Variants in PXDNL observed in about 807,000 individuals in gnomAD.
PXDNL encodes the protein peroxidasin like, also known as probable oxidoreductase PXDNL.
In PXDNL, 145 loss-of-function variants were observed where a neutral mutation model predicts 150.8. That is an observed-to-expected ratio of 0.96 (90% CI 0.84 to 1.10). The LOEUF is 1.10. PXDNL is among the 50% of genes least tolerant of loss of function. The pLI is 0.00. For missense variants in PXDNL, 2,087 were observed against 1,873.9 expected (o/e 1.11, Z -2.10); for synonymous variants, 757 against 725.7 (o/e 1.04, Z -0.69).
At chr8:51,802,833 G>A (rs558192614) in intron 1 of PXDNL, among the ~76,000 whole-genome samples, 1 of 152,242 alleles carries the variant, frequency 6.6e-6, no homozygotes, top group South Asian at 2.1e-4. Flanking sequence ...GGCTAACAAA[G>A]AACACACCAG....
At chr8:51,671,844 C>T (rs1815504663) in intron 1 of PXDNL, among the ~76,000 whole-genome samples, 1 of 152,160 alleles carries the variant, frequency 6.6e-6, no homozygotes, top group Non-Finnish European at 1.5e-5. Flanking sequence ...TCACACTCAC[C>T]AGTATATAGT....
chr8:51,360,043 A>C (rs1164014536), intron 19 of PXDNL, among the ~76,000 whole-genome samples: 1 of 119,330 alleles, frequency 8.4e-6, no homozygotes, highest in East Asian at 2.1e-4. Context: ...AGAGAAAAGC[A>C]AAAAAAAAAA....
chr8:51,729,157 C>T (rs1026843613), intron 1 of PXDNL, among the ~76,000 whole-genome samples: 20 of 152,100 alleles, frequency 1.3e-4, no homozygotes, highest in Non-Finnish European at 2.9e-5. Context: ...TGTTAAGTAA[C>T]ACATAACTTA....
At chr8:51,638,203 C>G (rs999809760) in intron 2 of PXDNL, among the ~76,000 whole-genome samples, 1 of 152,144 alleles carries the variant, frequency 6.6e-6, no homozygotes, top group Non-Finnish European at 1.5e-5. Context: ...GAAGGAAGCA[C>G]TAAACATGGA....
intron 2 of PXDNL, among the ~76,000 whole-genome samples, chr8:51,612,153 G>GT (rs1425813786): frequency 6.6e-6 from 1 of 152,150 alleles, no homozygotes; most frequent in African/African-American, 2.4e-5. Flanking sequence ...GGAAGGTAGA[G>GT]GAAAGGAGGC....
At position 51,372,856 on chromosome 8, in the gene PXDNL, A is replaced by T. The variant is rs558510732; in HGVS notation, c.3693-775T>A. Among the ~76,000 whole-genome samples the T allele has an allele frequency of 1.6e-3, 246 of 152,382 alleles. 1 individual carries two copies. Among genetic ancestry groups the T allele is most frequent in the African/African-American group, 5.5e-3 (229 of 41,598 alleles). ...ATTCAATTTTAAATGAAAGGATACAATCAATTTTAAATGAAAGAACTATTA... is the reference window on the plus strand; with the variant it reads ...ATTCAATTTTAAATGAAAGGATACATTCAATTTTAAATGAAAGAACTATTA... On this transcript the variant is annotated intron_variant, in intron 18 of 22. Transcript: ENST00000356297.
chr8:51,376,725 C>CT (rs11330281), intron 17 of PXDNL, among the ~76,000 whole-genome samples: 197 of 143,454 alleles, frequency 1.4e-3, no homozygotes, highest in East Asian at 9.5e-3. Context: ...CTCTCTCTCT[C>CT]TTTTTTTTTT....
intron 8 of PXDNL, among the ~76,000 whole-genome samples, chr8:51,468,323 T>C (rs776138601): frequency 1.3e-5 from 2 of 152,108 alleles, no homozygotes; most frequent in South Asian, 4.1e-4. Context: ...GTTAGGTATA[T>C]AAAGGTTCAT....
intron 3 of PXDNL, among the ~76,000 whole-genome samples, chr8:51,591,468 A>C (rs1387505953): frequency 6.6e-6 from 1 of 152,224 alleles, no homozygotes; most frequent in Non-Finnish European, 1.5e-5. Context: ...CAGGAATTTC[A>C]GTGGTTTCGG....
At chr8:51,419,129 G>C (rs1467132169) in intron 14 of PXDNL, among the ~76,000 whole-genome samples, 8 of 152,172 alleles carry the variant, frequency 5.3e-5, no homozygotes, top group Admixed American at 4.6e-4. Context: ...GAATTGCAAG[G>C]ACTGTGGGTC....
chr8:51,615,663 A>C, intron 2 of PXDNL, among the ~76,000 whole-genome samples: 1 of 152,230 alleles, frequency 6.6e-6, no homozygotes, highest in East Asian at 1.9e-4. Context: ...TCAAAGCTTC[A>C]ATCACTGGCA....
chr8:51,736,950 C>T (rs1817050991), intron 1 of PXDNL, among the ~76,000 whole-genome samples: 1 of 152,048 alleles, frequency 6.6e-6, no homozygotes, highest in Admixed American at 6.6e-5. Flanking sequence ...TTTCTTTATC[C>T]ATAAGAGCGG....
At chr8:51,530,885 C>T (rs1202771026) in intron 4 of PXDNL, among the ~76,000 whole-genome samples, 1 of 150,754 alleles carries the variant, frequency 6.6e-6, no homozygotes, top group African/African-American at 2.5e-5. Flanking sequence ...AAGGAAGAAC[C>T]CTGAGGCCAG....
intron 2 of PXDNL, among the ~76,000 whole-genome samples, chr8:51,644,423 T>TACACACATGTGTGTGTGTATATATATAC: frequency 8.5e-6 from 1 of 117,756 alleles, no homozygotes; most frequent in Non-Finnish European, 1.8e-5. Context: ...TGTATATATA[T>TACACACATGTGTGTGTGTATATATATAC]ACACATATGT....
intron 7 of PXDNL, among the ~76,000 whole-genome samples, chr8:51,473,274 A>AACACACAC (rs1164131411): frequency 0.097 from 12,932 of 133,912 alleles, 729 homozygotes; most frequent in Admixed American, 0.15. Context: ...GTAGAAAATA[A>AACACACAC]ACACACACAC....
chr8:51,410,040 A>T (rs933837926), intron 16 of PXDNL, among the ~76,000 whole-genome samples: 1 of 152,146 alleles, frequency 6.6e-6, no homozygotes, highest in Non-Finnish European at 1.5e-5. Flanking sequence ...TGTTTTGTTG[A>T]TTTTTGTTTG....
intron 17 of PXDNL, among the ~76,000 whole-genome samples, chr8:51,382,106 G>C (rs1462653514): frequency 1.3e-5 from 2 of 152,026 alleles, no homozygotes; most frequent in Non-Finnish European, 2.9e-5. Context: ...CAAAGTGCTG[G>C]GATTACGTGT....
At chr8:51,542,495 T>TA (rs34691012) in intron 4 of PXDNL, among the ~76,000 whole-genome samples, 2,012 of 136,606 alleles carry the variant, frequency 0.015, 41 homozygotes, top group African/African-American at 0.039. Flanking sequence ...AATGCCCTTA[T>TA]AAAAAAAAAA....
chr8:51,646,332 T>C (rs756713537), intron 2 of PXDNL, among the ~76,000 whole-genome samples: 1 of 152,132 alleles, frequency 6.6e-6, no homozygotes, highest in Non-Finnish European at 1.5e-5. Context: ...ATCTTGGACT[T>C]CCATACTCCA....
Sources: allele counts gnomAD v4.1 joint callset (sites outside exome capture counted in the v4.1 genomes callset), GRCh38; gene constraint gnomAD v4.1.1; transcripts MANE v1.5; gene names NCBI Gene and HGNC (gene_info 2026-07-23, HGNC 2026-07-21).